ZNF664: variants seen among roughly 807,000 people sequenced by gnomAD.
ZNF664 encodes the protein zinc finger Organ of Corti 1.
Under a neutral mutation model 18.2 loss-of-function variants are expected in ZNF664, and 10 were observed. The observed-to-expected ratio is 0.55, with a 90% CI of 0.34 to 0.93. The LOEUF (loss-of-function observed/expected upper bound fraction) is 0.93. ZNF664 is among the 40% of genes least tolerant of loss of function. The probability of loss-of-function intolerance (pLI) is 0.02; values close to 1 mark genes in which losing one functional copy is unlikely to be tolerated. For missense variants in ZNF664, 193 were observed against 319.0 expected, an observed-to-expected ratio of 0.61 and a Z score of 3.01; for synonymous variants, 119 against 104.2, an observed-to-expected ratio of 1.14 and a Z score of -0.86.
Position 124,011,424 on chromosome 12 carries a change from T to G in ZNF664, c.-617T>G, listed in dbSNP as rs961962584. ...CACATCTTTGGAAGATAAGAGAGCTTCTTCAAGACCAAAAAAGGTTTGTGT... is the reference window on the plus strand; with the variant it reads ...CACATCTTTGGAAGATAAGAGAGCTGCTTCAAGACCAAAAAAGGTTTGTGT... On this transcript the variant is annotated 5_prime_UTR_variant, in exon 4 of 5. Transcript: ENST00000337815. The G allele has an allele frequency of 4.0e-6, 4 of 1,006,648 alleles. No homozygotes were observed. The highest frequency in any genetic ancestry group is 1.2e-4 in the Admixed American group (2 of 16,608). The allele number at this position is 1,006,648 out of a possible 1,614,324, so 62.4% of individuals were successfully genotyped here.
chr12:123,977,014 A>G (rs1956701108), intron 2 of ZNF664, among the ~76,000 whole-genome samples: 1 of 152,150 alleles, frequency 6.6e-6, no homozygotes, highest in Admixed American at 6.5e-5. Context: ...CGGGAGGTGG[A>G]GCTTGCAGTG....
intron 2 of ZNF664, among the ~76,000 whole-genome samples, chr12:123,985,100 A>G (rs751608363): frequency 6.6e-6 from 1 of 152,000 alleles, no homozygotes; most frequent in African/African-American, 2.4e-5. Context: ...TGCACACAGA[A>G]GGTATTATAG....
intron 2 of ZNF664, among the ~76,000 whole-genome samples, chr12:123,983,461 A>AC (rs1448152136): frequency 6.6e-6 from 1 of 152,176 alleles, no homozygotes; most frequent in Non-Finnish European, 1.5e-5. Context: ...TATTTTTCAT[A>AC]CCCCTGAAAG....
intron 3 of ZNF664, among the ~76,000 whole-genome samples, chr12:123,997,208 T>TCCATTCAGCATCACCAAAGA: frequency 6.6e-6 from 1 of 152,256 alleles, no homozygotes; most frequent in African/African-American, 2.4e-5. Flanking sequence ...ATAAGCACCA[T>TCCATTCAGCATCACCAAAGA]CCATTCAGCA....
intron 3 of ZNF664, among the ~76,000 whole-genome samples, chr12:123,997,510 G>A (rs547012985): frequency 2.0e-5 from 3 of 152,238 alleles, no homozygotes; most frequent in East Asian, 1.9e-4. Flanking sequence ...AGTCTTTGGC[G>A]TTCCTTGGCT....
chr12:123,974,053 C>T, intron 2 of ZNF664, 33 bp downstream of exon 2: 5 of 1,013,636 alleles, frequency 4.9e-6, no homozygotes, highest in African/African-American at 1.7e-5. Context: ...CCACTTCCCT[C>T]TGACTCCCGC....
chr12:123,984,841 C>A (rs1204081390), intron 2 of ZNF664, among the ~76,000 whole-genome samples: 1 of 151,942 alleles, frequency 6.6e-6, no homozygotes, highest in Non-Finnish European at 1.5e-5. Flanking sequence ...TCATTCCAGC[C>A]AAGCAGGTAG....
intron 2 of ZNF664, among the ~76,000 whole-genome samples, chr12:123,980,016 A>G (rs994113795): frequency 2.6e-5 from 4 of 152,210 alleles, no homozygotes; most frequent in African/African-American, 9.6e-5. Flanking sequence ...GTAGATTTGT[A>G]TGTACTGACA....
intron 3 of ZNF664, 75 bp from the exon 4 acceptor site, chr12:124,011,306 C>T: frequency 3.1e-6 from 3 of 966,240 alleles, no homozygotes; most frequent in Non-Finnish European, 3.7e-6. Flanking sequence ...CAGATAATTA[C>T]AATGAGTTAT....
chr12:124,008,002 C>T (rs1018141975), intron 3 of ZNF664, among the ~76,000 whole-genome samples: 2 of 152,172 alleles, frequency 1.3e-5, no homozygotes, highest in Non-Finnish European at 1.5e-5. Flanking sequence ...TCTCATACCC[C>T]GAATCACATT....
chr12:123,996,663 T>C (rs1956951805), intron 3 of ZNF664, among the ~76,000 whole-genome samples: 4 of 152,028 alleles, frequency 2.6e-5, no homozygotes, highest in Non-Finnish European at 5.9e-5. Context: ...CATCTGGAAA[T>C]CAGACAGAGT....
intron 2 of ZNF664, among the ~76,000 whole-genome samples, chr12:123,975,090 A>G (rs1310275824): frequency 6.6e-6 from 1 of 152,148 alleles, no homozygotes; most frequent in Non-Finnish European, 1.5e-5. Context: ...AATCACACCA[A>G]ACCTCGGTTT....
At chr12:124,010,053 A>G (rs1179024251) in intron 3 of ZNF664, among the ~76,000 whole-genome samples, 1 of 152,158 alleles carries the variant, frequency 6.6e-6, no homozygotes, top group Non-Finnish European at 1.5e-5. Flanking sequence ...ATACTGCCTC[A>G]GTGAATAACC....
At chr12:123,990,143 G>T (rs1214379200) in intron 3 of ZNF664, among the ~76,000 whole-genome samples, 1 of 152,204 alleles carries the variant, frequency 6.6e-6, no homozygotes, top group Non-Finnish European at 1.5e-5. Context: ...GGTAAAAGGG[G>T]AGTTGTTATT....
intron 2 of ZNF664, among the ~76,000 whole-genome samples, chr12:123,979,830 C>T (rs1450921224): frequency 6.6e-6 from 1 of 152,070 alleles, no homozygotes; most frequent in East Asian, 1.9e-4. Context: ...CACACACACA[C>T]ACCACTACAC....
intron 2 of ZNF664, among the ~76,000 whole-genome samples, chr12:123,982,640 C>T (rs182008237): frequency 1.5e-4 from 23 of 152,300 alleles, no homozygotes; most frequent in African/African-American, 5.3e-4. Flanking sequence ...CTCACCGTAT[C>T]GGTTTTACTG....
intron 3 of ZNF664, among the ~76,000 whole-genome samples, chr12:124,004,363 G>T (rs190391708): frequency 6.6e-6 from 1 of 152,198 alleles, no homozygotes; most frequent in Non-Finnish European, 1.5e-5. Context: ...CAAAGAAAAG[G>T]TTCCATAGGA....
Position 123,973,919 on chromosome 12 carries a change from C to G in ZNF664, c.-858C>G. On this transcript the variant is annotated 5_prime_UTR_variant, in exon 2 of 5. Coordinates refer to ENST00000337815, the MANE Select transcript of ZNF664 (RefSeq NM_152437.3). ...GCGTCCGGCAGAGGAGGCGAGCATC[C>G]CGCTCAGGTGATGAGGAACCCCTCG... 4 of 1,231,894 alleles carry G rather than the reference C, an allele frequency of 3.2e-6. No individual in the cohort carries two copies. The highest frequency in any genetic ancestry group is 4.0e-6 in the Non-Finnish European group (4 of 988,076). The allele number at this position is 1,231,894 out of a possible 1,614,324, so 76.3% of individuals were successfully genotyped here.
At position 124,012,415 on chromosome 12, in the gene ZNF664, G is replaced by C. The variant is rs1423980961; in HGVS notation, c.271G>C (p.Glu91Gln). 1 of 1,614,076 alleles carries C rather than the reference G, an allele frequency of 6.2e-7. No homozygotes were observed. Among genetic ancestry groups the C allele is most frequent in the Non-Finnish European group, 8.5e-7 (1 of 1,180,054 alleles). Residue 91 changes from glutamate (E) to glutamine (Q), a missense_variant, in exon 5 of 5, where the codon GAG becomes CAG. Glu to Gln is a conservative substitution (Grantham distance 29, BLOSUM62 2). Transcript: ENST00000337815. ...HTVEKPYKCY[E>Q]CGKAFNWSSH... ...AGTGGAGAAGCCCTATAAATGTTAC[G>C]AGTGTGGCAAAGCCTTCAATTGGAG... is the stretch of plus-strand genomic sequence containing the variant.
Sources: allele counts gnomAD v4.1 joint callset (sites outside exome capture counted in the v4.1 genomes callset), GRCh38; gene constraint gnomAD v4.1.1; transcripts MANE v1.5; gene names NCBI Gene and HGNC (gene_info 2026-07-23, HGNC 2026-07-21).